Variants in PLPPR1 observed in about 807,000 individuals in gnomAD.
PLPPR1 encodes the protein phospholipid phosphatase-related protein type 1.
A neutral mutation model predicts 33.1 loss-of-function variants in PLPPR1; 10 were observed. The ratio of observed to expected loss-of-function variants is 0.30; its 90% CI spans 0.19 to 0.51. The LOEUF (loss-of-function observed/expected upper bound fraction) is 0.51. Ranked by LOEUF, PLPPR1 falls within the 20% of genes least tolerant of loss-of-function variation. PLPPR1 has a pLI of 0.97. For missense variants in PLPPR1, 304 were observed against 408.1 expected (o/e 0.74, Z 2.20); for synonymous variants, 151 against 151.0 (o/e 1.00, Z 0.00).
intron 2 of PLPPR1, among the ~76,000 whole-genome samples, chr9:101,188,739 T>A (rs1044729714): frequency 1.5e-4 from 23 of 152,110 alleles, no homozygotes; most frequent in African/African-American, 5.3e-4. Flanking sequence ...TTTCTTTTTT[T>A]AAATTACTTT....
At chr9:101,292,369 A>G (rs570106780) in intron 4 of PLPPR1, among the ~76,000 whole-genome samples, 3,244 of 152,310 alleles carry the variant, frequency 0.021, 111 homozygotes, top group African/African-American at 0.074. Context: ...AACACTCTGC[A>G]GGATATTATC....
At chr9:101,097,526 G>T (rs956092871) in intron 1 of PLPPR1, among the ~76,000 whole-genome samples, 1 of 152,256 alleles carries the variant, frequency 6.6e-6, no homozygotes, top group East Asian at 1.9e-4. Flanking sequence ...AAATCTGAGG[G>T]TATGTGGAAT....
At chr9:101,163,917 T>C (rs1464962213) in intron 1 of PLPPR1, among the ~76,000 whole-genome samples, 2 of 152,182 alleles carry the variant, frequency 1.3e-5, no homozygotes, top group African/African-American at 4.8e-5. Context: ...GCAGGTCTCC[T>C]AAATATCGTC....
chr9:101,246,779 C>T (rs1827618327), intron 2 of PLPPR1, among the ~76,000 whole-genome samples: 1 of 151,998 alleles, frequency 6.6e-6, no homozygotes, highest in Non-Finnish European at 1.5e-5. Flanking sequence ...CATACTGGGC[C>T]GTTTTCCTGT....
chr9:101,295,370 T>A (rs2118931524), intron 4 of PLPPR1, among the ~76,000 whole-genome samples: 1 of 151,720 alleles, frequency 6.6e-6, no homozygotes, highest in Admixed American at 6.6e-5. Flanking sequence ...AAAATGGCCA[T>A]ACTGCCCAAG....
Position 101,321,783 on chromosome 9 carries a change from A to G in PLPPR1, c.946-2242A>G, listed in dbSNP as rs553202081. Among the ~76,000 whole-genome samples, 437 of 148,170 alleles carry G rather than the reference A, an allele frequency of 2.9e-3. 3 individuals are homozygous for G. The highest frequency in any genetic ancestry group is 0.01 in the African/African-American group (427 of 40,884). On this transcript the variant is annotated intron_variant, in intron 7 of 7. Transcript: ENST00000374874. ...TAAATATAGATACATATATACACTA[A>G]TATATATTTATATACATATATAAGT...
chr9:101,181,642 GTATATACATGTA>G, intron 1 of PLPPR1, among the ~76,000 whole-genome samples: 2 of 148,078 alleles, frequency 1.4e-5, no homozygotes, highest in Non-Finnish European at 1.5e-5. Flanking sequence ...GTATGTGTAT[GTATATACATGTA>G]TGTATGTATA....
intron 1 of PLPPR1, among the ~76,000 whole-genome samples, chr9:101,160,558 A>G (rs1439595623): frequency 2.0e-5 from 3 of 152,166 alleles, no homozygotes; most frequent in East Asian, 3.8e-4. Context: ...GTGACATAGT[A>G]TGAGTAACAA....
chr9:101,293,515 A>C (rs1828559995), intron 4 of PLPPR1, among the ~76,000 whole-genome samples: 1 of 152,158 alleles, frequency 6.6e-6, no homozygotes, highest in Non-Finnish European at 1.5e-5. Context: ...TTTCAGCCCC[A>C]CACCACACCT....
chr9:101,218,055 T>C (rs1826840840), intron 2 of PLPPR1, among the ~76,000 whole-genome samples: 1 of 152,136 alleles, frequency 6.6e-6, no homozygotes, highest in Admixed American at 6.5e-5. Context: ...TATACATGAC[T>C]AGATTCTTTT....
At chr9:101,195,295 T>C (rs543763943) in intron 2 of PLPPR1, among the ~76,000 whole-genome samples, 6 of 152,254 alleles carry the variant, frequency 3.9e-5, no homozygotes, top group African/African-American at 1.4e-4. Flanking sequence ...CACAAATATA[T>C]TGAAGGGAAC....
chr9:101,298,537 G>T (rs1828690036), intron 4 of PLPPR1, among the ~76,000 whole-genome samples: 2 of 152,094 alleles, frequency 1.3e-5, no homozygotes, highest in South Asian at 4.2e-4. Context: ...GATTTTGAAA[G>T]TCATTTAAAT....
intron 1 of PLPPR1, among the ~76,000 whole-genome samples, chr9:101,098,572 G>T (rs973677755): frequency 5.9e-5 from 9 of 152,196 alleles, no homozygotes; most frequent in Middle Eastern, 3.4e-3. Flanking sequence ...GGAGCCCCAG[G>T]GGTCATCAAC....
intron 2 of PLPPR1, among the ~76,000 whole-genome samples, chr9:101,258,947 A>G (rs1174436745): frequency 1.3e-5 from 2 of 152,188 alleles, no homozygotes; most frequent in African/African-American, 4.8e-5. Flanking sequence ...ACATTCTTCT[A>G]TGTATTCATC....
chr9:101,185,548 A>G lies in PLPPR1; in HGVS notation c.54A>G (p.Ile18Met), dbSNP rs146000696. Residue 18 changes from isoleucine to methionine, a missense_variant, in exon 2 of 8, where the codon ATA becomes ATG. By Grantham distance (10) the Ile-to-Met change is conservative. Transcript: ENST00000374874. Reference sequence around the variant, plus strand: ...GTTATTCCATCATCCCGTGTTTTATATTTGTTGAGGTATGTGTATTTTTTA... The same window carrying G: ...GTTATTCCATCATCCCGTGTTTTATGTTTGTTGAGGTATGTGTATTTTTTA... ...QRSYSIIPCF[I>M]FVELVIMAGT... The G allele has an allele frequency of 4.4e-6, 7 of 1,606,792 alleles. No individual in the cohort carries two copies. The African/African-American group carries it at 9.4e-5, about 22-fold the overall frequency.
intron 1 of PLPPR1, among the ~76,000 whole-genome samples, chr9:101,067,138 C>T (rs745837242): frequency 4.6e-5 from 7 of 151,824 alleles, no homozygotes; most frequent in Admixed American, 1.3e-4. Flanking sequence ...AACTCTGTTG[C>T]GAGGTCATAA....
intron 1 of PLPPR1, among the ~76,000 whole-genome samples, chr9:101,136,685 T>C (rs898464089): frequency 2.0e-5 from 3 of 152,238 alleles, no homozygotes; most frequent in Non-Finnish European, 4.4e-5. Context: ...GTTGTGTTAT[T>C]ATAAGTCATA....
intron 1 of PLPPR1, among the ~76,000 whole-genome samples, chr9:101,130,046 C>T (rs958574251): frequency 5.3e-5 from 8 of 151,986 alleles, no homozygotes; most frequent in African/African-American, 1.5e-4. Flanking sequence ...TAAAGGACAA[C>T]GATGAAACTT....
chr9:101,296,461 A>G (rs1828641113), intron 4 of PLPPR1, among the ~76,000 whole-genome samples: 1 of 151,742 alleles, frequency 6.6e-6, no homozygotes, highest in South Asian at 2.1e-4. Context: ...ATATACCCAA[A>G]GGACTATAAA....
Sources: allele counts gnomAD v4.1 joint callset (sites outside exome capture counted in the v4.1 genomes callset), GRCh38; gene constraint gnomAD v4.1.1; transcripts MANE v1.5; gene names NCBI Gene and HGNC (gene_info 2026-07-23, HGNC 2026-07-21).